The following RAD51 variants were observed in gnomAD, a reference collection of about 807,000 sequenced individuals.
The protein encoded by RAD51 is DNA repair protein RAD51 homolog 1.
A neutral mutation model predicts 41.5 loss-of-function variants in RAD51; 14 were observed. The ratio of observed to expected loss-of-function variants is 0.34; its 90% CI spans 0.22 to 0.53. The LOEUF (loss-of-function observed/expected upper bound fraction) is 0.53. Ranked by LOEUF, RAD51 falls within the 20% of genes least tolerant of loss-of-function variation. RAD51 has a pLI of 0.95. For synonymous variants in RAD51, 136 were observed against 148.6 expected (o/e 0.92, Z 0.62); for missense variants, 234 against 422.0 (o/e 0.55, Z 3.90).
chr15:40,701,243 T>C (rs764124547), intron 3 of RAD51, 42 bp downstream of exon 3: 1 of 1,605,292 alleles, frequency 6.2e-7, no homozygotes, highest in Non-Finnish European at 8.5e-7. Context: ...TTAGTGGGAA[T>C]AGTACAAAAG....
chr15:40,719,788 C>T (rs1463643882), intron 6 of RAD51, among the ~76,000 whole-genome samples: 9 of 151,548 alleles, frequency 5.9e-5, no homozygotes, highest in Non-Finnish European at 1.0e-4. Context: ...GCCGAGATCG[C>T]GCCACTGCAC....
intron 6 of RAD51, among the ~76,000 whole-genome samples, chr15:40,727,308 CGTTT>C (rs964443195): frequency 5.5e-4 from 83 of 151,248 alleles, no homozygotes; most frequent in African/African-American, 1.6e-3. Flanking sequence ...TTTTTTTGTT[CGTTT>C]GTTTGTTTGT....
chr15:40,699,470 G>A (rs1486041044), intron 2 of RAD51, among the ~76,000 whole-genome samples: 1 of 152,172 alleles, frequency 6.6e-6, no homozygotes, highest in Non-Finnish European at 1.5e-5. Flanking sequence ...TGTTTTTTAA[G>A]AAATGGGTCT....
intron 6 of RAD51, among the ~76,000 whole-genome samples, chr15:40,721,768 A>C (rs1323757255): frequency 6.6e-6 from 1 of 152,200 alleles, no homozygotes; most frequent in Non-Finnish European, 1.5e-5. Flanking sequence ...AAAATAGATA[A>C]CAGTGTGGTC....
intron 5 of RAD51, among the ~76,000 whole-genome samples, chr15:40,717,681 T>C (rs1370639575): frequency 6.6e-6 from 1 of 152,206 alleles, no homozygotes; most frequent in Admixed American, 6.5e-5. Flanking sequence ...GTTTATACTA[T>C]TGGAGTAAAT....
chr15:40,701,467 C>T (rs1014883745), intron 3 of RAD51, among the ~76,000 whole-genome samples: 1 of 149,278 alleles, frequency 6.7e-6, no homozygotes, highest in Non-Finnish European at 1.5e-5. Flanking sequence ...CTTCACCTCC[C>T]AAGCTCAAGC....
chr15:40,706,558 A>C (rs1895353341), intron 4 of RAD51, among the ~76,000 whole-genome samples: 1 of 152,156 alleles, frequency 6.6e-6, no homozygotes, highest in Admixed American at 6.6e-5. Flanking sequence ...GCATGGTGGC[A>C]CATGCCTGTA....
rs1391217140 is a variant in RAD51 at position 40,731,173 on chromosome 15, G to A, written c.1015G>A (p.Asp339Asn). 5 of 1,614,086 alleles carry A rather than the reference G, an allele frequency of 3.1e-6. No homozygotes were observed. The highest frequency in any genetic ancestry group is 2.7e-5 in the African/African-American group (2 of 75,056). Residue 339 changes from aspartate to asparagine, a missense_variant, in exon 10 of 10, where the codon GAC (aspartate) becomes AAC (asparagine). This residue lies in a region of RAD51 where 134 missense variants were observed against 286.5 expected (regional missense o/e 0.47). Coordinates refer to ENST00000267868, the MANE Select transcript of RAD51 (RefSeq NM_002875.5). ...INADGVGDAK[D>N] ...TGCAGATGGAGTGGGAGATGCCAAAGACTGAATCATTGGGTTTTTCCTCTG... is the reference window on the plus strand; with the variant it reads ...TGCAGATGGAGTGGGAGATGCCAAAAACTGAATCATTGGGTTTTTCCTCTG...
At chr15:40,706,495 G>A (rs1320256501) in intron 4 of RAD51, among the ~76,000 whole-genome samples, 1 of 152,204 alleles carries the variant, frequency 6.6e-6, no homozygotes, top group Non-Finnish European at 1.5e-5. Context: ...CTGGGAGTTC[G>A]AGACCAGCCC....
chr15:40,695,692 C>T (rs1358961432), intron 1 of RAD51: 1 of 152,246 alleles, frequency 6.6e-6, no homozygotes, highest in African/African-American at 2.4e-5. Context: ...AGTCCGAGAT[C>T]AGAGCGGTGT....
chr15:40,718,838 G>A lies in RAD51; in HGVS notation c.469G>A (p.Ala157Thr). ...PIDRGGGEGK[A>T]MYIDTEGTFR... ...TGACCGGGGTGGAGGTGAAGGAAAGGCCATGTACATTGACACTGAGGGTAC... is the reference window on the plus strand; with the variant it reads ...TGACCGGGGTGGAGGTGAAGGAAAGACCATGTACATTGACACTGAGGGTAC... Residue 157 changes from alanine (A) to threonine (T), a missense_variant, in exon 6 of 10, where the codon GCC becomes ACC. Ala to Thr is a moderately conservative substitution (Grantham distance 58). Transcript: ENST00000267868. The A allele has an allele frequency of 6.2e-7, 1 of 1,613,522 alleles. No homozygotes were observed. The highest frequency in any genetic ancestry group is 8.5e-7 in the Non-Finnish European group (1 of 1,179,508).
intron 5 of RAD51, among the ~76,000 whole-genome samples, chr15:40,716,482 C>G (rs1432667656): frequency 4.6e-5 from 7 of 151,796 alleles, no homozygotes; most frequent in Admixed American, 4.6e-4. Flanking sequence ...TCTTGTGCCC[C>G]AGCCTCCCGA....
chr15:40,698,914 C>A, intron 2 of RAD51, 69 bp downstream of exon 2: 2 of 1,467,550 alleles, frequency 1.4e-6, no homozygotes, highest in South Asian at 1.1e-5. Flanking sequence ...GTATTACAAC[C>A]TTTACATAAA....
At chr15:40,730,918 G>A (rs2141886555) in intron 9 of RAD51, 137 bp from the exon 10 acceptor site, 1 of 1,169,610 alleles carries the variant, frequency 8.5e-7, no homozygotes, top group African/African-American at 1.6e-5. Context: ...ATGCACTAAG[G>A]AAAACAGTAC....
chr15:40,704,507 G>A (rs1189706447), intron 3 of RAD51, among the ~76,000 whole-genome samples: 2 of 151,332 alleles, frequency 1.3e-5, no homozygotes, highest in Admixed American at 6.6e-5. Context: ...GACTACAGGC[G>A]CACGCCACCA....
At chr15:40,712,023 G>T (rs185866013) in intron 5 of RAD51, among the ~76,000 whole-genome samples, 3 of 149,570 alleles carry the variant, frequency 2.0e-5, no homozygotes, top group African/African-American at 7.4e-5. Context: ...CATGAGCCAA[G>T]ATTGTACCAC....
chr15:40,713,624 T>TTTTTTTA (rs1895831876), intron 5 of RAD51, among the ~76,000 whole-genome samples: 1 of 150,408 alleles, frequency 6.6e-6, no homozygotes, highest in African/African-American at 2.5e-5. Context: ...TTTTTTTTTT[T>TTTTTTTA]GAGGCGGAGT....
chr15:40,705,589 T>TA (rs1335287443), intron 3 of RAD51, among the ~76,000 whole-genome samples: 2 of 152,160 alleles, frequency 1.3e-5, no homozygotes, highest in Non-Finnish European at 2.9e-5. Flanking sequence ...TACGGATCTC[T>TA]AATAGTTTTT....
intron 3 of RAD51, 142 bp downstream of exon 3, chr15:40,701,343 C>A: frequency 8.7e-6 from 7 of 802,340 alleles, no homozygotes; most frequent in Non-Finnish European, 1.3e-5. Context: ...TGTTTCTTTT[C>A]TTCTTTTCTT....
Sources: allele counts gnomAD v4.1 joint callset (sites outside exome capture counted in the v4.1 genomes callset), GRCh38; gene constraint gnomAD v4.1.1; regional missense constraint gnomAD v4.1.1; transcripts MANE v1.5; gene names NCBI Gene and HGNC (gene_info 2026-07-23, HGNC 2026-07-21).